The following CEP164 variants were observed in gnomAD, a reference collection of about 807,000 sequenced individuals.
The protein encoded by CEP164 is centrosomal protein of 164 kDa.
A neutral mutation model predicts 182.7 loss-of-function variants in CEP164; 162 were observed. The observed-to-expected ratio is 0.89, with a 90% CI of 0.78 to 1.01. CEP164 has a LOEUF of 1.01. CEP164 is among the 50% of genes least tolerant of loss of function. CEP164 has a pLI of 0.00. For missense variants in CEP164, 1,735 were observed against 1,790.4 expected (o/e 0.97, Z 0.56); for synonymous variants, 661 against 690.0 (o/e 0.96, Z 0.66).
chr11:117,334,677 C>G (rs987010967), intron 1 of CEP164, among the ~76,000 whole-genome samples: 1 of 148,910 alleles, frequency 6.7e-6, no homozygotes, highest in African/African-American at 2.5e-5. Flanking sequence ...CCCAGCTACT[C>G]GGGCAGCTGA....
At position 117,412,185 on chromosome 11, in the gene CEP164, T is replaced by C. The variant is rs143088264; in HGVS notation, c.*17T>C. The C allele has an allele frequency of 5.0e-5, 81 of 1,610,756 alleles. No individual in the cohort carries two copies. The East Asian group carries it at 1.1e-3, about 22-fold the overall frequency. ...CGCTTCTGAGGCCCTGAGCAGGGGCTTGGGGCAGCCCAGCCTCTCCTCCAC... is the reference window on the plus strand; with the variant it reads ...CGCTTCTGAGGCCCTGAGCAGGGGCCTGGGGCAGCCCAGCCTCTCCTCCAC... On this transcript the variant is annotated 3_prime_UTR_variant, in exon 33 of 33. Transcript: ENST00000278935.
In CEP164 at chr11:117,393,040, G is replaced by A. The variant is rs2044892129; in HGVS notation, c.2530G>A (p.Glu844Lys). 2.5e-6 allele frequency: 4 copies of A among 1,613,760 alleles called. No homozygotes were observed. The highest frequency in any genetic ancestry group is 8.5e-7 in the Non-Finnish European group (1 of 1,179,908). The change falls in exon 20 of 33, where the codon GAA (glutamate) becomes AAA (lysine). Residue 844 changes from glutamate to lysine, a missense_variant. Coordinates refer to ENST00000278935, the MANE Select transcript of CEP164 (RefSeq NM_014956.5). ...SLLREKRQEV[E>K]GEHERRLDKM... ...CCTGCGAGAGAAGCGCCAGGAAGTG[G>A]AAGGGGAGCATGAGAGGAGGTTGGA...
At chr11:117,329,967 G>A (rs1375603343) in intron 1 of CEP164, among the ~76,000 whole-genome samples, 3 of 148,840 alleles carry the variant, frequency 2.0e-5, no homozygotes, top group Non-Finnish European at 3.0e-5. Flanking sequence ...TACAGTTCCT[G>A]TAACATAGGA....
chr11:117,411,037 G>A lies in CEP164; in HGVS notation c.4163+143G>A, dbSNP rs1200080133. 1.1e-5 allele frequency: 8 copies of A among 717,012 alleles called. 1 individual carries two copies. Among genetic ancestry groups the A allele is most frequent in the African/African-American group, 8.7e-5 (5 of 57,480 alleles). 44.4% of individuals were successfully genotyped at this position (717,012 alleles called of 1,614,324 possible). ...AGGCAGGCCTCTAGTCCACAGAGCTGTCCCCGCTTGCCTGGGTCTGAGGCG... is the reference window on the plus strand; with the variant it reads ...AGGCAGGCCTCTAGTCCACAGAGCTATCCCCGCTTGCCTGGGTCTGAGGCG... On this transcript the variant is annotated intron_variant, in intron 31 of 32. Coordinates refer to ENST00000278935, the MANE Select transcript of CEP164 (RefSeq NM_014956.5). This position sits in a 1 kb window ranked among gnomAD's most constrained non-coding sequence, Gnocchi z 4.4.
chr11:117,403,593 C>T (rs1362050040), intron 27 of CEP164, among the ~76,000 whole-genome samples: 1 of 152,106 alleles, frequency 6.6e-6, no homozygotes, highest in African/African-American at 2.4e-5. Context: ...AACATTTTTT[C>T]CTTCATTTCT....
chr11:117,335,107 A>G (rs563167580), intron 1 of CEP164, among the ~76,000 whole-genome samples: 43 of 152,278 alleles, frequency 2.8e-4, no homozygotes, highest in African/African-American at 1.0e-3. Flanking sequence ...GCCACCAGGC[A>G]GTGGGCCCCA....
At chr11:117,331,346 TTAC>T (rs1275362120) in intron 1 of CEP164, among the ~76,000 whole-genome samples, 2 of 152,236 alleles carry the variant, frequency 1.3e-5, no homozygotes, top group Non-Finnish European at 2.9e-5. Context: ...GATTATTGGC[TTAC>T]TATTAGACCT....
intron 2 of CEP164, among the ~76,000 whole-genome samples, chr11:117,337,254 A>G (rs760657182): frequency 5.9e-5 from 9 of 151,692 alleles, no homozygotes; most frequent in African/African-American, 9.7e-5. Flanking sequence ...GTAGAGAGAG[A>G]CCTCTAAGCC....
chr11:117,374,927 A>G (rs907787770), intron 10 of CEP164, among the ~76,000 whole-genome samples: 8 of 152,236 alleles, frequency 5.3e-5, no homozygotes, highest in Non-Finnish European at 7.3e-5. Context: ...TTAGCCCAGC[A>G]GGGATCTTAG....
chr11:117,352,086 C>T (rs2039709804), intron 5 of CEP164, 98 bp downstream of exon 5: 4 of 997,454 alleles, frequency 4.0e-6, no homozygotes, highest in African/African-American at 1.6e-5. Flanking sequence ...TTGAAGACAA[C>T]AGTCAGAATA....
At chr11:117,400,053 C>G (rs756665394) in intron 27 of CEP164, among the ~76,000 whole-genome samples, 3 of 152,170 alleles carry the variant, frequency 2.0e-5, no homozygotes, top group Non-Finnish European at 4.4e-5. Flanking sequence ...GTCATGAAGT[C>G]TTTGTCCATG....
chr11:117,351,881 G>T lies in CEP164; in HGVS notation c.286G>T (p.Val96Leu), dbSNP rs771994843. ...ATGTGACGAACACTATCGGAGCTTG[G>T]TGATCCAAGAGCGGGCAAAGCTGTC... The part of the protein sequence containing the change: ...HPCDEHYRSL[V>L]IQERAKLSTS... Residue 96 changes from valine (V) to leucine (L), a missense_variant, in exon 5 of 33, where the codon GTG becomes TTG. Val to Leu is a conservative substitution (Grantham distance 32). Coordinates refer to ENST00000278935, the MANE Select transcript of CEP164 (RefSeq NM_014956.5). The T allele has an allele frequency of 6.2e-7, 1 of 1,613,622 alleles. No homozygotes were observed. Among genetic ancestry groups the T allele is most frequent in the East Asian group, 2.2e-5 (1 of 44,860 alleles).
chr11:117,381,961 G>T, intron 13 of CEP164, 93 bp downstream of exon 13: 1 of 1,188,300 alleles, frequency 8.4e-7, no homozygotes, highest in East Asian at 3.2e-5. Context: ...AGAGATGGGG[G>T]TGGGGTTGGC....
At chr11:117,344,424 C>T (rs2038595350) in intron 4 of CEP164, 147 bp downstream of exon 4, 2 of 594,000 alleles carry the variant, frequency 3.4e-6, no homozygotes, top group East Asian at 5.7e-5. Flanking sequence ...GCTATGCTGC[C>T]TGCTATTTCA....
Position 117,413,079 on chromosome 11 carries a change from C to T in CEP164, c.*911C>T, listed in dbSNP as rs1275116877. The T allele has an allele frequency of 1.3e-5, 2 of 152,286 alleles. No homozygotes were observed. Among genetic ancestry groups the T allele is most frequent in the Non-Finnish European group, 2.9e-5 (2 of 68,084 alleles). 9.4% of individuals were successfully genotyped at this position (152,286 alleles called of 1,614,324 possible). ...CTGCCTCAGGCAGGCAGGCAAGGAG[C>T]TAGGCCGGTGCCCGGCCCTGGCAGC... On this transcript the variant is annotated 3_prime_UTR_variant, in exon 33 of 33. Transcript: ENST00000278935.
chr11:117,357,615 T>C (rs1215085407), intron 5 of CEP164, among the ~76,000 whole-genome samples: 1 of 151,510 alleles, frequency 6.6e-6, no homozygotes, highest in Non-Finnish European at 1.5e-5. Flanking sequence ...AGAGACGGAG[T>C]TTTGTCATGT....
At chr11:117,378,324 C>T (rs1198321602) in intron 11 of CEP164, among the ~76,000 whole-genome samples, 1 of 152,158 alleles carries the variant, frequency 6.6e-6, no homozygotes, top group Non-Finnish European at 1.5e-5. Flanking sequence ...AGAAAATTTT[C>T]TGTGTACATA....
At chr11:117,338,901 T>G (rs2037631839) in intron 3 of CEP164, among the ~76,000 whole-genome samples, 1 of 152,112 alleles carries the variant, frequency 6.6e-6, no homozygotes, top group East Asian at 1.9e-4. Context: ...CACTGCAACC[T>G]CTGCCTCCCA....
intron 17 of CEP164, 21 bp downstream of exon 17, chr11:117,391,236 C>T (rs756516624): frequency 8.8e-6 from 14 of 1,588,448 alleles, no homozygotes; most frequent in Middle Eastern, 2.2e-4. Context: ...CAAGTGGGGA[C>T]CTCACCCTCT....
Sources: allele counts gnomAD v4.1 joint callset (sites outside exome capture counted in the v4.1 genomes callset), GRCh38; gene constraint gnomAD v4.1.1; non-coding constraint Gnocchi (gnomAD v3.1); transcripts MANE v1.5; gene names NCBI Gene and HGNC (gene_info 2026-07-23, HGNC 2026-07-21).